The following FSHR variants were observed in gnomAD, a reference collection of about 807,000 sequenced individuals.
FSHR encodes the protein follicle stimulating hormone receptor, also known as follicle-stimulating hormone receptor.
A neutral mutation model predicts 52.1 loss-of-function variants in FSHR; 46 were observed. The observed-to-expected ratio is 0.88, with a 90% CI of 0.70 to 1.13. The LOEUF is 1.13. FSHR is among the 50% of genes most tolerant of loss of function. The pLI is 0.00. For missense variants in FSHR, 964 were observed against 834.6 expected (o/e 1.16, Z -1.91); for synonymous variants, 399 against 309.6 (o/e 1.29, Z -3.03).
At chr2:48,981,459 G>A (rs746490181) in intron 8 of FSHR, among the ~76,000 whole-genome samples, 1 of 151,980 alleles carries the variant, frequency 6.6e-6, no homozygotes, top group Non-Finnish European at 1.5e-5. Flanking sequence ...TTTTTTTTAG[G>A]TGAGGAAACC....
chr2:48,971,571 G>A (rs1674743636), intron 8 of FSHR, among the ~76,000 whole-genome samples: 1 of 152,130 alleles, frequency 6.6e-6, no homozygotes, highest in African/African-American at 2.4e-5. Flanking sequence ...AGGTGTGTGT[G>A]CATTTGTATG....
chr2:48,972,553 G>A (rs1009739329), intron 8 of FSHR, among the ~76,000 whole-genome samples: 15 of 151,862 alleles, frequency 9.9e-5, no homozygotes, highest in African/African-American at 1.5e-4. Flanking sequence ...TTTTGGCAAC[G>A]CCTCTTCTAG....
At chr2:49,087,691 G>T (rs1225163921) in intron 1 of FSHR, among the ~76,000 whole-genome samples, 1 of 152,194 alleles carries the variant, frequency 6.6e-6, no homozygotes, top group African/African-American at 2.4e-5. Flanking sequence ...TGCATAGTTG[G>T]GTGGTAGATG....
At chr2:49,057,481 A>G (rs1411105975) in intron 2 of FSHR, among the ~76,000 whole-genome samples, 5 of 152,172 alleles carry the variant, frequency 3.3e-5, no homozygotes, top group African/African-American at 1.2e-4. Flanking sequence ...TGAACCAAGA[A>G]TAAATAGAAA....
intron 6 of FSHR, among the ~76,000 whole-genome samples, chr2:48,987,812 T>G (rs2104089553): frequency 6.9e-6 from 1 of 145,388 alleles, no homozygotes; most frequent in South Asian, 2.2e-4. Context: ...TTTCTTACCC[T>G]TTCTGCACCC....
chr2:48,996,112 C>G (rs978787388), intron 4 of FSHR, among the ~76,000 whole-genome samples: 1 of 152,110 alleles, frequency 6.6e-6, no homozygotes, highest in Non-Finnish European at 1.5e-5. Flanking sequence ...TTTTCTCTAC[C>G]TACTAATTGG....
At chr2:48,984,710 C>G (rs1200421056) in intron 6 of FSHR, among the ~76,000 whole-genome samples, 2 of 151,992 alleles carry the variant, frequency 1.3e-5, no homozygotes, top group Non-Finnish European at 2.9e-5. Context: ...GATTTGGCCT[C>G]TGGGTTATAT....
chr2:49,026,362 G>A (rs955453492), intron 2 of FSHR, among the ~76,000 whole-genome samples: 4 of 152,118 alleles, frequency 2.6e-5, no homozygotes, highest in African/African-American at 9.7e-5. Flanking sequence ...AATAGCTAAC[G>A]TTTATTAAGC....
intron 2 of FSHR, among the ~76,000 whole-genome samples, chr2:49,020,471 C>T (rs1040557080): frequency 6.6e-6 from 1 of 151,184 alleles, no homozygotes; most frequent in Admixed American, 6.6e-5. Flanking sequence ...AGGATGAGAA[C>T]AAAATTTAAG....
At chr2:49,127,164 C>T (rs981308625) in intron 1 of FSHR, among the ~76,000 whole-genome samples, 1 of 152,002 alleles carries the variant, frequency 6.6e-6, no homozygotes, top group Admixed American at 6.6e-5. Context: ...CCCGTCTCTA[C>T]TAAAAATACA....
chr2:49,018,828 C>T (rs756544794), intron 3 of FSHR, among the ~76,000 whole-genome samples: 3 of 115,410 alleles, frequency 2.6e-5, no homozygotes, highest in East Asian at 2.6e-4. Flanking sequence ...CACACACACG[C>T]GCATGCACAC....
intron 4 of FSHR, among the ~76,000 whole-genome samples, chr2:49,010,669 T>C (rs1667236866): frequency 1.3e-5 from 2 of 151,192 alleles, no homozygotes; most frequent in African/African-American, 2.4e-5. Flanking sequence ...GGACTCTTTT[T>C]GGTTGGTAAG....
intron 1 of FSHR, among the ~76,000 whole-genome samples, chr2:49,132,883 A>AACT (rs909879066): frequency 2.4e-4 from 36 of 151,922 alleles, no homozygotes; most frequent in African/African-American, 8.5e-4. Context: ...ACCAAACAAA[A>AACT]ACTATTCAGA....
At chr2:49,102,162 CT>C (rs556877547) in intron 1 of FSHR, among the ~76,000 whole-genome samples, 159 of 152,236 alleles carry the variant, frequency 1.0e-3, no homozygotes, top group African/African-American at 3.7e-3. Flanking sequence ...TTATACATAC[CT>C]TTTTATATTT....
At chr2:49,138,711 A>G (rs573029436) in intron 1 of FSHR, among the ~76,000 whole-genome samples, 6 of 152,330 alleles carry the variant, frequency 3.9e-5, no homozygotes, top group African/African-American at 1.4e-4. Flanking sequence ...GATGATAGCT[A>G]ACATGTATGA....
chr2:49,091,485 TG>T (rs1670605771), intron 1 of FSHR, among the ~76,000 whole-genome samples: 1 of 152,092 alleles, frequency 6.6e-6, no homozygotes, highest in Non-Finnish European at 1.5e-5. Flanking sequence ...TTTGTAGAGA[TG>T]GGGTCTCACC....
intron 4 of FSHR, among the ~76,000 whole-genome samples, chr2:49,015,146 G>A (rs1950144): frequency 0.016 from 2,409 of 152,202 alleles, 61 homozygotes; most frequent in African/African-American, 0.054. Context: ...TGAGGTTTAG[G>A]GAAAGTAATT....
At chr2:49,065,325 A>C (rs1669460042) in intron 2 of FSHR, among the ~76,000 whole-genome samples, 1 of 152,128 alleles carries the variant, frequency 6.6e-6, no homozygotes, top group East Asian at 1.9e-4. Context: ...TGGAAGCTTC[A>C]TACAGTAGGT....
chr2:49,021,886 T>TATATAGAGAGAGAGAG (rs1273265515), intron 2 of FSHR, among the ~76,000 whole-genome samples: 2 of 25,120 alleles, frequency 8.0e-5, no homozygotes, highest in African/African-American at 2.9e-4. Flanking sequence ...TATATATATA[T>TATATAGAGAGAGAGAG]AGAGAGAGAG....
Sources: gnomAD v4.1 joint callset for allele counts (sites outside exome capture counted in the v4.1 genomes callset) on GRCh38, gnomAD v4.1.1 for gene constraint, MANE v1.5 for transcripts, NCBI Gene and HGNC (gene_info 2026-07-23, HGNC 2026-07-21) for gene names.